SLC16A12: variants seen among roughly 807,000 people sequenced by gnomAD.
SLC16A12 encodes the protein monocarboxylate transporter 12.
A neutral mutation model predicts 42.4 loss-of-function variants in SLC16A12; 17 were observed. That is an observed-to-expected ratio of 0.40 (90% CI 0.27 to 0.60). The LOEUF (loss-of-function observed/expected upper bound fraction) is 0.60, where lower values mean the gene tolerates loss of function less well. Among genes scored for constraint, SLC16A12 ranks in the 20% least tolerant of loss-of-function variants. SLC16A12 has a pLI of 0.42. For synonymous variants in SLC16A12, 224 were observed against 229.4 expected (o/e 0.98, Z 0.21); for missense variants, 544 against 623.0 (o/e 0.87, Z 1.35).
upstream of SLC16A12, among the ~76,000 whole-genome samples, chr10:89,539,227 C>T (rs994585600): frequency 6.6e-6 from 1 of 152,162 alleles, no homozygotes; most frequent in Non-Finnish European, 1.5e-5. Flanking sequence ...AGGGACATGG[C>T]ATTAATGGTA....
chr10:89,483,013 C>T (rs1842691222), intron 2 of SLC16A12, among the ~76,000 whole-genome samples: 1 of 152,174 alleles, frequency 6.6e-6, no homozygotes, highest in African/African-American at 2.4e-5. Context: ...CGGAAATTTA[C>T]TTTCTCAGTT....
At chr10:89,548,685 A>G (rs1843754407) in intron 2 of SLC16A12, among the ~76,000 whole-genome samples, 1 of 152,116 alleles carries the variant, frequency 6.6e-6, no homozygotes, top group Non-Finnish European at 1.5e-5. Flanking sequence ...GTGCAGTGCC[A>G]GCCATCTGTA....
intron 2 of SLC16A12, among the ~76,000 whole-genome samples, chr10:89,479,139 T>A (rs1039338190): frequency 6.6e-6 from 1 of 152,218 alleles, no homozygotes; most frequent in Non-Finnish European, 1.5e-5. Context: ...GTTTAGTACC[T>A]ACAGCTGGGG....
intron 2 of SLC16A12, among the ~76,000 whole-genome samples, chr10:89,552,621 T>A (rs1351614551): frequency 6.6e-6 from 1 of 152,222 alleles, no homozygotes; most frequent in Non-Finnish European, 1.5e-5. Context: ...CTTCTGGCTC[T>A]TCAATTCCAG....
chr10:89,512,150 G>C (rs1227195521), intron 2 of SLC16A12, among the ~76,000 whole-genome samples: 22 of 152,132 alleles, frequency 1.4e-4, no homozygotes, highest in Admixed American at 1.4e-3. Context: ...GGGCCTGACG[G>C]AGAGCAGAAA....
At position 89,483,738 on chromosome 10, in the gene SLC16A12, T is replaced by TAA. The variant is rs1253654983; in HGVS notation, c.-46-21116_-46-21115dup. ...TGGCAACATAGTGAGACGCTGCCTC[T>TAA]AAAAAAAAAAAAAAACAAAAAAAAA... is the stretch of plus-strand genomic sequence containing the variant. On this transcript the variant is annotated intron_variant, in intron 2 of 7. Coordinates refer to ENST00000371790, the MANE Select transcript of SLC16A12 (RefSeq NM_213606.4). Among the ~76,000 whole-genome samples the TAA allele has an allele frequency of 7.0e-3, 438 of 62,132 alleles. 12 individuals are homozygous for TAA. The highest frequency in any genetic ancestry group is 0.026 in the African/African-American group (401 of 15,552). The allele number at this position is 62,132 out of a possible 152,430, so 40.8% of individuals were successfully genotyped here. A position where few individuals can be genotyped will look rare whatever the true frequency, so the allele number is the denominator to read the frequency against.
chr10:89,524,483 C>T (rs143720053), intron 2 of SLC16A12, among the ~76,000 whole-genome samples: 1 of 152,218 alleles, frequency 6.6e-6, no homozygotes, highest in African/African-American at 2.4e-5. Context: ...AAGGCAATTC[C>T]CACCTCAGCG....
At chr10:89,466,022 G>T (rs1413961251) in intron 2 of SLC16A12, among the ~76,000 whole-genome samples, 2 of 152,144 alleles carry the variant, frequency 1.3e-5, no homozygotes, top group Non-Finnish European at 2.9e-5. Context: ...TGAGGACAAA[G>T]TTAATGAGCC....
chr10:89,446,708 C>A (rs1177676967), intron 3 of SLC16A12, among the ~76,000 whole-genome samples: 2 of 152,112 alleles, frequency 1.3e-5, no homozygotes, highest in Admixed American at 1.3e-4. Context: ...AACTAATGGG[C>A]AAAATAACCA....
intron 2 of SLC16A12, among the ~76,000 whole-genome samples, chr10:89,542,888 G>A (rs760051565): frequency 1.3e-5 from 2 of 152,102 alleles, no homozygotes; most frequent in Admixed American, 1.3e-4. Context: ...TCATTATCAT[G>A]CTTCTCAACA....
chr10:89,535,057 A>C (rs1177940513), intron 1 of SLC16A12, among the ~76,000 whole-genome samples: 1 of 152,112 alleles, frequency 6.6e-6, no homozygotes. Flanking sequence ...CACGGGAAAT[A>C]AATATTATTG....
intron 4 of SLC16A12, among the ~76,000 whole-genome samples, chr10:89,441,708 T>C (rs1017721308): frequency 2.0e-5 from 3 of 152,172 alleles, no homozygotes; most frequent in Non-Finnish European, 2.9e-5. Flanking sequence ...AGAGAGATCA[T>C]AGACAAATTC....
At chr10:89,524,550 T>C (rs1843417937) in intron 2 of SLC16A12, among the ~76,000 whole-genome samples, 1 of 152,204 alleles carries the variant, frequency 6.6e-6, no homozygotes. Flanking sequence ...TTTCTACAAT[T>C]ATTTAATGGT....
At chr10:89,547,966 CAAA>C (rs60543445) in intron 2 of SLC16A12, among the ~76,000 whole-genome samples, 167 of 81,598 alleles carry the variant, frequency 2.0e-3, no homozygotes, top group African/African-American at 6.9e-3. Flanking sequence ...CCAGCCTGGG[CAAA>C]AAAAAAAAAA....
At chr10:89,502,246 C>T (rs568091630) in intron 2 of SLC16A12, among the ~76,000 whole-genome samples, 4 of 151,810 alleles carry the variant, frequency 2.6e-5, no homozygotes, top group Admixed American at 1.3e-4. Flanking sequence ...GTCAGGAGTT[C>T]GAGACCAGCC....
intron 3 of SLC16A12, among the ~76,000 whole-genome samples, chr10:89,450,086 C>T (rs7914403): frequency 0.011 from 1,608 of 152,244 alleles, 31 homozygotes; most frequent in African/African-American, 0.037. Flanking sequence ...GTTAGAATGG[C>T]CATCATTAAA....
At chr10:89,504,572 G>A (rs987138226) in intron 2 of SLC16A12, among the ~76,000 whole-genome samples, 1 of 152,096 alleles carries the variant, frequency 6.6e-6, no homozygotes, top group African/African-American at 2.4e-5. Context: ...TTTTGATGTT[G>A]ACATAAATAC....
intron 2 of SLC16A12, among the ~76,000 whole-genome samples, chr10:89,514,432 T>G (rs1363436351): frequency 1.3e-5 from 2 of 152,218 alleles, no homozygotes; most frequent in Admixed American, 1.3e-4. Context: ...CTTACAGTTC[T>G]GGAGGTTGGA....
Position 89,550,021 on chromosome 10 carries a change from A to G in SLC16A12, c.-47+5861T>C, listed in dbSNP as rs111586498. ...TCGTCAAGCCAAAAATCTAGGAGTC[A>G]TCACTTACCTCCCATATCAATCCAT... On this transcript the variant is annotated intron_variant, in intron 2 of 2. Transcript: ENST00000475682. Among the ~76,000 whole-genome samples the G allele has an allele frequency of 1.5e-3, 228 of 152,246 alleles. 1 individual carries two copies. The highest frequency in any genetic ancestry group is 5.4e-3 in the African/African-American group (223 of 41,558).
Sources: allele counts gnomAD v4.1 joint callset (sites outside exome capture counted in the v4.1 genomes callset), GRCh38; gene constraint gnomAD v4.1.1; transcripts MANE v1.5; gene names NCBI Gene and HGNC (gene_info 2026-07-23, HGNC 2026-07-21).